SMYD3: variants seen among roughly 807,000 people sequenced by gnomAD.
SMYD3 encodes SET and MYND domain containing 3.
In SMYD3, 36 loss-of-function variants were observed where a neutral mutation model predicts 57.7. The observed-to-expected ratio is 0.62, with a 90% CI of 0.48 to 0.82. The LOEUF (loss-of-function observed/expected upper bound fraction) is 0.82, where lower values mean the gene tolerates loss of function less well. Ranked by LOEUF, SMYD3 falls within the 40% of genes least tolerant of loss-of-function variation. The pLI is 0.00. For missense variants in SMYD3, 515 were observed against 538.8 expected, an observed-to-expected ratio of 0.96 and a Z score of 0.44; for synonymous variants, 211 against 195.0, an observed-to-expected ratio of 1.08 and a Z score of -0.68.
At chr1:246,001,452 A>G (rs1395423239) in intron 5 of SMYD3, among the ~76,000 whole-genome samples, 2 of 152,142 alleles carry the variant, frequency 1.3e-5, no homozygotes, top group Non-Finnish European at 2.9e-5. Context: ...TGGAAGAGAC[A>G]GTGTCTGGCT....
chr1:246,483,028 T>C (rs375920913), intron 1 of SMYD3, among the ~76,000 whole-genome samples: 1 of 152,194 alleles, frequency 6.6e-6, no homozygotes, highest in African/African-American at 2.4e-5. Flanking sequence ...GTTGAGCTCA[T>C]TGCCCCTCTC....
intron 10 of SMYD3, among the ~76,000 whole-genome samples, chr1:245,771,137 T>TAC (rs1427807805): frequency 7.3e-5 from 11 of 150,854 alleles, no homozygotes; most frequent in African/African-American, 2.2e-4. Flanking sequence ...TATACATGTA[T>TAC]ATATACATAC....
intron 1 of SMYD3, among the ~76,000 whole-genome samples, chr1:246,390,894 A>G (rs558187170): frequency 6.6e-6 from 1 of 152,336 alleles, no homozygotes; most frequent in African/African-American, 2.4e-5. Flanking sequence ...AAATCAACAG[A>G]TGAATTAAAA....
At chr1:245,990,652 G>C (rs545633540) in intron 5 of SMYD3, among the ~76,000 whole-genome samples, 5 of 152,322 alleles carry the variant, frequency 3.3e-5, no homozygotes, top group South Asian at 2.1e-4. Flanking sequence ...TCTGAAGGAA[G>C]GGATCAGGAG....
At chr1:246,327,070 TAAGG>T (rs2065365324) in intron 5 of SMYD3, 127 bp downstream of exon 5, 4 of 1,034,756 alleles carry the variant, frequency 3.9e-6, no homozygotes, top group Non-Finnish European at 5.9e-6. Context: ...CTCACTATGA[TAAGG>T]AAGTAATATA....
intron 3 of SMYD3, among the ~76,000 whole-genome samples, chr1:246,333,705 C>G (rs1440030590): frequency 1.3e-5 from 2 of 151,366 alleles, no homozygotes; most frequent in African/African-American, 4.9e-5. Context: ...GAAACTTCGT[C>G]TTTCCAAAAA....
intron 5 of SMYD3, among the ~76,000 whole-genome samples, chr1:246,259,412 T>G (rs1376916721): frequency 2.6e-5 from 4 of 151,346 alleles, no homozygotes; most frequent in South Asian, 2.1e-4. Flanking sequence ...TGTTACTGGG[T>G]TTTTTTTCCT....
At chr1:246,042,247 T>TA (rs1318629741) in intron 5 of SMYD3, among the ~76,000 whole-genome samples, 3 of 152,192 alleles carry the variant, frequency 2.0e-5, no homozygotes, top group Admixed American at 6.5e-5. Context: ...AACAAATACT[T>TA]ACGTTTCTCT....
At chr1:245,934,797 C>T (rs1245932718) in intron 5 of SMYD3, among the ~76,000 whole-genome samples, 1 of 152,172 alleles carries the variant, frequency 6.6e-6, no homozygotes, top group Non-Finnish European at 1.5e-5. Context: ...CAATGACCAA[C>T]TACATTTCCC....
chr1:246,244,090 T>C (rs2063664656), intron 5 of SMYD3, among the ~76,000 whole-genome samples: 1 of 151,648 alleles, frequency 6.6e-6, no homozygotes, highest in African/African-American at 2.4e-5. Flanking sequence ...ATTTCATTAA[T>C]ATCTCTTGTA....
At chr1:246,481,446 T>G (rs1572042938) in intron 1 of SMYD3, among the ~76,000 whole-genome samples, 1 of 150,906 alleles carries the variant, frequency 6.6e-6, no homozygotes, top group African/African-American at 2.4e-5. Flanking sequence ...TCTCTCTCTC[T>G]CTCTGATTAC....
At chr1:245,949,400 A>T (rs1572767666) in intron 5 of SMYD3, among the ~76,000 whole-genome samples, 1 of 151,888 alleles carries the variant, frequency 6.6e-6, no homozygotes, top group African/African-American at 2.4e-5. Flanking sequence ...CAACCACACC[A>T]CCCAGAGCCA....
chr1:245,771,067 C>A (rs1222430408), intron 10 of SMYD3, among the ~76,000 whole-genome samples: 1 of 152,016 alleles, frequency 6.6e-6, no homozygotes, highest in Non-Finnish European at 1.5e-5. Context: ...CACATACACA[C>A]ATATACATAC....
chr1:246,202,799 C>T lies in SMYD3; in HGVS notation c.531+124402G>A, dbSNP rs980742526. ...TATGGTGATACCACAGTAACAAATC[C>T]AACCCAATCACTCCTCCACCTCTTC... On this transcript the variant is annotated intron_variant, in intron 5 of 11. Coordinates refer to ENST00000490107, the MANE Select transcript of SMYD3 (RefSeq NM_001167740.2). This position sits in a 1 kb window ranked among gnomAD's most constrained non-coding sequence, Gnocchi z 4.1. Among the ~76,000 whole-genome samples, 1 of 152,176 alleles carries T rather than the reference C, an allele frequency of 6.6e-6. No individual in the cohort carries two copies. Among genetic ancestry groups the T allele is most frequent in the Non-Finnish European group, 1.5e-5 (1 of 68,022 alleles).
At chr1:246,326,334 G>T (rs1175509630) in intron 5 of SMYD3, 2 of 687,926 alleles carry the variant, frequency 2.9e-6, no homozygotes, top group Non-Finnish European at 5.3e-6. Flanking sequence ...GCAGTGAGGG[G>T]GTGTTTCTGT....
intron 1 of SMYD3, among the ~76,000 whole-genome samples, chr1:246,477,237 C>T (rs1050005574): frequency 1.3e-5 from 2 of 152,112 alleles, no homozygotes; most frequent in Non-Finnish European, 2.9e-5. Context: ...CCTATTTTCC[C>T]ACCTTATAAG....
At chr1:245,781,594 T>C (rs1048478316) in intron 10 of SMYD3, among the ~76,000 whole-genome samples, 1 of 152,224 alleles carries the variant, frequency 6.6e-6, no homozygotes, top group African/African-American at 2.4e-5. Flanking sequence ...ATTTGCAAGG[T>C]AGTTGCTATT....
chr1:245,952,229 C>A (rs957770792), intron 5 of SMYD3, among the ~76,000 whole-genome samples: 1 of 151,914 alleles, frequency 6.6e-6, no homozygotes, highest in Non-Finnish European at 1.5e-5. Flanking sequence ...AAAAAATTAA[C>A]CAAAGCATTA....
chr1:246,328,432 G>A (rs1483634891), intron 4 of SMYD3, among the ~76,000 whole-genome samples: 1 of 152,170 alleles, frequency 6.6e-6, no homozygotes, highest in Middle Eastern at 3.2e-3. Flanking sequence ...GGGCTAATGT[G>A]AAGAGTAAAA....
Sources: allele counts gnomAD v4.1 joint callset (sites outside exome capture counted in the v4.1 genomes callset), GRCh38; gene constraint gnomAD v4.1.1; non-coding constraint Gnocchi (gnomAD v3.1); transcripts MANE v1.5; gene names NCBI Gene and HGNC (gene_info 2026-07-23, HGNC 2026-07-21).